Variants in NOX1 observed in about 807,000 individuals in gnomAD.
NOX1 encodes NADH/NADPH mitogenic oxidase subunit P65-MOX.
NOX1 carries 34 observed loss-of-function variants against 42.5 expected under a neutral mutation model. The ratio of observed to expected loss-of-function variants is 0.80; its 90% confidence interval spans 0.61 to 1.07. The LOEUF (loss-of-function observed/expected upper bound fraction) is 1.07, where lower values mean the gene tolerates loss of function less well. NOX1 is among the 50% of genes least tolerant of loss of function. NOX1 has a pLI of 0.00. For missense variants in NOX1, 408 were observed against 427.0 expected, an observed-to-expected ratio of 0.96 and a Z score of 0.39; for synonymous variants, 143 against 152.5, an observed-to-expected ratio of 0.94 and a Z score of 0.46.
At chrX:100,853,300 T>TTC (rs1355023424) in intron 7 of NOX1, among the ~76,000 whole-genome samples, 28 of 69,370 alleles carry the variant, frequency 4.0e-4, no homozygotes, top group African/African-American at 1.5e-3. Context: ...CTTTCTTTCT[T>TTC]TCTTTCTTTC....
rs994311191 is a variant in NOX1 at position 100,843,700 on chromosome X, A to G, written c.*252T>C. 5.1e-5 allele frequency: 20 copies of G among 394,568 alleles called. No homozygotes were observed. The highest frequency in any genetic ancestry group is 8.5e-5 in the Non-Finnish European group (20 of 235,461). The allele number at this position is 394,568 out of a possible 1,213,427, so 32.5% of individuals were successfully genotyped here. ...TTGCTACAGTCATGGCTGTCCAGAA[A>G]GATTTACAGTTATTTTTCTGAGAAA... is the stretch of plus-strand genomic sequence containing the variant. On this transcript the variant is annotated 3_prime_UTR_variant, in exon 13 of 13. Coordinates refer to ENST00000372966, the MANE Select transcript of NOX1 (RefSeq NM_007052.5).
intron 7 of NOX1, chrX:100,856,017 T>C: frequency 1.9e-6 from 2 of 1,078,716 alleles, no homozygotes; most frequent in Non-Finnish European, 2.5e-6. Context: ...AAGTAATCTC[T>C]TAGGTGATGT....
intron 12 of NOX1, among the ~76,000 whole-genome samples, chrX:100,846,058 T>G: frequency 9.0e-6 from 1 of 111,360 alleles, no homozygotes; most frequent in Admixed American, 9.5e-5. Context: ...AGTGCTGGGA[T>G]TACAGGCATG....
chrX:100,854,184 A>G (rs965699944), intron 7 of NOX1, among the ~76,000 whole-genome samples: 13 of 111,563 alleles, frequency 1.2e-4, no homozygotes, highest in Non-Finnish European at 2.3e-4. Flanking sequence ...CATTATATCA[A>G]TCAAGGAAAA....
intron 2 of NOX1, 122 bp downstream of exon 2, chrX:100,870,597 A>G: frequency 1.9e-6 from 1 of 534,695 alleles, no homozygotes; most frequent in Non-Finnish European, 3.2e-6. Flanking sequence ...TCAGTTGGGC[A>G]TTCTGTACTT....
At chrX:100,854,572 A>G (rs1292488953) in intron 7 of NOX1, among the ~76,000 whole-genome samples, 2 of 111,932 alleles carry the variant, frequency 1.8e-5, no homozygotes, top group East Asian at 2.8e-4. Flanking sequence ...ATAGCTCCCT[A>G]TCTTTTTTTT....
chrX:100,867,451 TTAAA>T (rs1330127731), intron 2 of NOX1, among the ~76,000 whole-genome samples: 3 of 113,119 alleles, frequency 2.7e-5, no homozygotes, highest in African/African-American at 9.6e-5. Context: ...TGTGGAATGT[TTAAA>T]TAAATTATGG....
intron 2 of NOX1, among the ~76,000 whole-genome samples, chrX:100,866,898 C>G (rs1234643237): frequency 2.7e-5 from 3 of 111,403 alleles, no homozygotes; most frequent in African/African-American, 9.8e-5. Context: ...ACACTTGTGA[C>G]TGGGCATGGT....
At chrX:100,858,405 A>T (rs1454298085) in intron 7 of NOX1, among the ~76,000 whole-genome samples, 1 of 111,111 alleles carries the variant, frequency 9.0e-6, no homozygotes, top group Non-Finnish European at 1.9e-5. Flanking sequence ...TGCCTTGGCT[A>T]TTTGGGCTCT....
rs1402752912 is a variant in NOX1, at chrX:100,848,730, C to A, written c.1468G>T (p.Asp490Tyr). The change falls in exon 12 of 13, where the codon GAC becomes TAC. Residue 490 changes from aspartate to tyrosine, a missense_variant. Coordinates refer to ENST00000372966, the MANE Select transcript of NOX1 (RefSeq NM_007052.5). The stretch of plus-strand genomic sequence containing the variant: ...CCTGTCACGATGTCAGTGGCCTTGT[C>A]AAAGTTTAATGCTGCATGACCAACC... Reference protein sequence around the residue: ...NIVGHAALNFDKATDIVTGLK... With the variant: ...NIVGHAALNFYKATDIVTGLK... The A allele has an allele frequency of 8.3e-7, 1 of 1,210,575 alleles. No homozygotes were observed. The highest frequency in any genetic ancestry group is 1.8e-5 in the South Asian group (1 of 56,973).
intron 7 of NOX1, among the ~76,000 whole-genome samples, chrX:100,853,302 CTT>C (rs1172373288): frequency 1.3e-3 from 92 of 73,278 alleles, no homozygotes; most frequent in African/African-American, 4.5e-3. Flanking sequence ...TTCTTTCTTT[CTT>C]TCTTTCTTTC....
chrX:100,873,955 G>C, intron 1 of NOX1, 140 bp downstream of exon 1: 2 of 426,176 alleles, frequency 4.7e-6, no homozygotes, highest in African/African-American at 2.5e-5. Context: ...ACCCACAGTT[G>C]TATTTTTTAA....
intron 2 of NOX1, among the ~76,000 whole-genome samples, chrX:100,869,170 T>C (rs1280009610): frequency 9.0e-6 from 1 of 111,169 alleles, no homozygotes. Flanking sequence ...ATATGAACTT[T>C]GAAGTAGTTT....
rs1315165414 is a variant in NOX1, at chrX:100,843,948, T to C, written c.*4A>G. 1 of 1,199,771 alleles carries C rather than the reference T, an allele frequency of 8.3e-7. No individual in the cohort carries two copies. Among genetic ancestry groups the C allele is most frequent in the Non-Finnish European group, 1.1e-6 (1 of 886,705 alleles). On this transcript the variant is annotated 3_prime_UTR_variant, in exon 13 of 13. Coordinates refer to ENST00000372966, the MANE Select transcript of NOX1 (RefSeq NM_007052.5). Reference sequence around the variant, plus strand: ...ATGCAGATTACCGTCCTTATTCCTATAACTCAAAAATTTTCTTTGTTGAAG... The same window carrying C: ...ATGCAGATTACCGTCCTTATTCCTACAACTCAAAAATTTTCTTTGTTGAAG...
chrX:100,854,014 G>A (rs1034920329), intron 7 of NOX1, among the ~76,000 whole-genome samples: 4 of 111,161 alleles, frequency 3.6e-5, no homozygotes, highest in Admixed American at 9.5e-5. Context: ...GTGGTGGTGC[G>A]CGCCTGTAGT....
At chrX:100,865,958 C>G (rs988820881) in intron 2 of NOX1, among the ~76,000 whole-genome samples, 2 of 112,361 alleles carry the variant, frequency 1.8e-5, no homozygotes, top group Non-Finnish European at 1.9e-5. Flanking sequence ...CAGTGGCTTA[C>G]GCCTGTAATC....
intron 12 of NOX1, among the ~76,000 whole-genome samples, chrX:100,845,660 G>T (rs2085068427): frequency 2.0e-5 from 2 of 99,371 alleles, no homozygotes; most frequent in Admixed American, 2.2e-4. Flanking sequence ...CTGTCACCCG[G>T]GCTGGAGTAC....
chrX:100,868,668 T>A (rs2085254084), intron 2 of NOX1, among the ~76,000 whole-genome samples: 1 of 111,647 alleles, frequency 9.0e-6, no homozygotes, highest in African/African-American at 3.3e-5. Context: ...TATGTTTCCA[T>A]GACAGCAGTG....
chrX:100,862,315 A>G lies in NOX1; in HGVS notation c.672-12T>C. ...CCCGGACAATTCCACTGAAATAGAC[A>G]AAGAAGGATGGTTTGGGACAAAGAA... On this transcript the variant is annotated splice_polypyrimidine_tract_variant and intron_variant, in intron 6 of 12. Coordinates refer to ENST00000372966, the MANE Select transcript of NOX1 (RefSeq NM_007052.5). The G allele has an allele frequency of 5.8e-6, 7 of 1,211,424 alleles. No homozygotes were observed. Among genetic ancestry groups the G allele is most frequent in the South Asian group, 1.8e-5 (1 of 56,944 alleles).
Sources: gnomAD v4.1 joint callset for allele counts (sites outside exome capture counted in the v4.1 genomes callset) on GRCh38, gnomAD v4.1.1 for gene constraint, MANE v1.5 for transcripts, NCBI Gene and HGNC (gene_info 2026-07-23, HGNC 2026-07-21) for gene names.